Variants in KCTD16 observed in about 807,000 individuals in gnomAD.
The protein encoded by KCTD16 is potassium channel tetramerization domain containing 16.
Under a neutral mutation model 33.2 loss-of-function variants are expected in KCTD16, and 13 were observed. That is an observed-to-expected ratio of 0.39 (90% confidence interval 0.25 to 0.62). The LOEUF is 0.62. KCTD16 is among the 20% of genes least tolerant of loss of function. KCTD16 has a pLI of 0.50. For synonymous variants in KCTD16, 197 were observed against 195.3 expected (o/e 1.01, Z -0.07); for missense variants, 441 against 525.1 (o/e 0.84, Z 1.57).
chr5:144,295,959 C>G (rs1033261080), intron 3 of KCTD16, among the ~76,000 whole-genome samples: 4 of 152,166 alleles, frequency 2.6e-5, no homozygotes, highest in African/African-American at 9.7e-5. Flanking sequence ...CAGTGAGAAC[C>G]ATGTCTGACT....
intron 3 of KCTD16, among the ~76,000 whole-genome samples, chr5:144,462,385 C>T (rs1248964350): frequency 1.3e-5 from 2 of 151,982 alleles, no homozygotes; most frequent in South Asian, 2.1e-4. Context: ...GATCTTCCAC[C>T]ACCTTTGAGT....
chr5:144,225,523 G>A (rs1753902968), intron 3 of KCTD16, among the ~76,000 whole-genome samples: 1 of 151,242 alleles, frequency 6.6e-6, no homozygotes, highest in Admixed American at 6.6e-5. Context: ...TTCTTCCTCT[G>A]CTCCACCACA....
chr5:144,389,055 C>T (rs1179480926), intron 3 of KCTD16, among the ~76,000 whole-genome samples: 1 of 152,158 alleles, frequency 6.6e-6, no homozygotes, highest in African/African-American at 2.4e-5. Flanking sequence ...CTGAGGGTAG[C>T]ATCCTTCCCT....
intron 3 of KCTD16, among the ~76,000 whole-genome samples, chr5:144,397,074 T>TC (rs1752585081): frequency 1.3e-5 from 1 of 78,194 alleles, no homozygotes; most frequent in African/African-American, 4.9e-5. Flanking sequence ...CACTCCCCCC[T>TC]CCCCCCACCC....
chr5:144,451,085 T>C (rs1260775186), intron 3 of KCTD16, among the ~76,000 whole-genome samples: 1 of 152,152 alleles, frequency 6.6e-6, no homozygotes, highest in Non-Finnish European at 1.5e-5. Context: ...GCTGCTTTTA[T>C]ATACCAGTTA....
intron 3 of KCTD16, among the ~76,000 whole-genome samples, chr5:144,390,750 C>T (rs1166547438): frequency 6.6e-6 from 1 of 151,974 alleles, no homozygotes; most frequent in Admixed American, 6.6e-5. Flanking sequence ...TTGTTCAACT[C>T]CCACTTATGA....
At chr5:144,191,254 G>C (rs1752835383) in intron 2 of KCTD16, among the ~76,000 whole-genome samples, 1 of 152,150 alleles carries the variant, frequency 6.6e-6, no homozygotes, top group South Asian at 2.1e-4. Flanking sequence ...GATGAGTTCT[G>C]AGTTACTCTG....
intron 3 of KCTD16, among the ~76,000 whole-genome samples, chr5:144,217,326 T>C (rs944050035): frequency 2.0e-5 from 3 of 152,186 alleles, no homozygotes; most frequent in Non-Finnish European, 4.4e-5. Context: ...TCTAGTCAAC[T>C]AGGTGAGATT....
intron 3 of KCTD16, among the ~76,000 whole-genome samples, chr5:144,281,562 T>C (rs1157045788): frequency 6.6e-6 from 1 of 152,236 alleles, no homozygotes; most frequent in African/African-American, 2.4e-5. Flanking sequence ...AAAAAGACCT[T>C]GCATTATTTC....
At chr5:144,314,439 G>A (rs1234216248) in intron 3 of KCTD16, among the ~76,000 whole-genome samples, 1 of 152,038 alleles carries the variant, frequency 6.6e-6, no homozygotes, top group Non-Finnish European at 1.5e-5. Flanking sequence ...TACATGCTTG[G>A]CAAGAAACTA....
chr5:144,231,197 T>C (rs542852217), intron 3 of KCTD16, among the ~76,000 whole-genome samples: 21 of 152,308 alleles, frequency 1.4e-4, no homozygotes, highest in African/African-American at 5.1e-4. Flanking sequence ...TTTTGTGATA[T>C]CTAATTGTAA....
chr5:144,257,910 G>A (rs966500011), intron 3 of KCTD16, among the ~76,000 whole-genome samples: 2 of 152,292 alleles, frequency 1.3e-5, no homozygotes, highest in Middle Eastern at 3.4e-3. Context: ...TAAGAGTTCA[G>A]TAAGACCTAA....
intron 3 of KCTD16, among the ~76,000 whole-genome samples, chr5:144,400,370 A>G (rs1752675434): frequency 6.6e-6 from 1 of 152,180 alleles, no homozygotes; most frequent in African/African-American, 2.4e-5. Context: ...CTGGAAGCCA[A>G]TCAGGCAGAG....
At chr5:144,387,906 G>A (rs1182850075) in intron 3 of KCTD16, among the ~76,000 whole-genome samples, 2 of 151,940 alleles carry the variant, frequency 1.3e-5, no homozygotes, top group African/African-American at 2.4e-5. Context: ...TGTCAGAGCT[G>A]TTTAGTAATT....
chr5:144,208,712 T>C (rs868539206), intron 3 of KCTD16, among the ~76,000 whole-genome samples: 1 of 152,248 alleles, frequency 6.6e-6, no homozygotes. Context: ...GCCGGGAACC[T>C]TGGTAGAGAG....
intron 3 of KCTD16, among the ~76,000 whole-genome samples, chr5:144,273,438 A>G (rs761276084): frequency 2.6e-5 from 4 of 152,190 alleles, no homozygotes; most frequent in Non-Finnish European, 5.9e-5. Flanking sequence ...TAAAAATAGA[A>G]TTACCATATG....
chr5:144,188,676 C>G (rs1054866907), intron 2 of KCTD16, among the ~76,000 whole-genome samples: 1 of 152,084 alleles, frequency 6.6e-6, no homozygotes, highest in Non-Finnish European at 1.5e-5. Flanking sequence ...CTAAGGTGAT[C>G]CAAATATACA....
chr5:144,425,984 C>A (rs1355116685), intron 3 of KCTD16, among the ~76,000 whole-genome samples: 1 of 152,198 alleles, frequency 6.6e-6, no homozygotes, highest in Non-Finnish European at 1.5e-5. Flanking sequence ...ATACACCTTT[C>A]ACTCTTTACA....
chr5:144,351,238 AG>A (rs1751420085), intron 3 of KCTD16, among the ~76,000 whole-genome samples: 2 of 152,110 alleles, frequency 1.3e-5, no homozygotes, highest in South Asian at 4.1e-4. Flanking sequence ...CATATTGTGA[AG>A]GTGCTAACAG....
Sources: gnomAD v4.1 joint callset for allele counts (sites outside exome capture counted in the v4.1 genomes callset) on GRCh38, gnomAD v4.1.1 for gene constraint, MANE v1.5 for transcripts, NCBI Gene and HGNC (gene_info 2026-07-23, HGNC 2026-07-21) for gene names.